PTPRG: variants seen among roughly 807,000 people sequenced by gnomAD.
PTPRG encodes the protein receptor-type tyrosine-protein phosphatase gamma.
Under a neutral mutation model 165.3 loss-of-function variants are expected in PTPRG, and 102 were observed. The observed-to-expected ratio is 0.62, with a 90% CI of 0.53 to 0.73. The LOEUF (loss-of-function observed/expected upper bound fraction) is 0.73. Ranked by LOEUF, PTPRG falls within the 30% of genes least tolerant of loss-of-function variation. PTPRG has a pLI of 0.00. For missense variants in PTPRG, 1,866 were observed against 1,861.4 expected (o/e 1.00, Z -0.05); for synonymous variants, 675 against 669.5 (o/e 1.01, Z -0.13).
At chr3:62,035,663 A>G (rs534082629) in intron 4 of PTPRG, among the ~76,000 whole-genome samples, 1 of 152,356 alleles carries the variant, frequency 6.6e-6, no homozygotes, top group South Asian at 2.1e-4. Flanking sequence ...TTGCTTTATT[A>G]ATGCTTTGGC....
chr3:61,787,173 C>T (rs983665770), intron 2 of PTPRG, among the ~76,000 whole-genome samples: 1 of 151,996 alleles, frequency 6.6e-6, no homozygotes, highest in Non-Finnish European at 1.5e-5. Context: ...TGTGTCTGTT[C>T]TTCTCTCCGT....
At chr3:61,742,536 C>T (rs2033034626) in intron 1 of PTPRG, 1 of 1,595,620 alleles carries the variant, frequency 6.3e-7, no homozygotes, top group East Asian at 2.2e-5. Flanking sequence ...TGAGCAATGA[C>T]ACCAAGAAGT....
At chr3:62,084,535 A>G (rs952901280) in intron 5 of PTPRG, among the ~76,000 whole-genome samples, 3 of 152,150 alleles carry the variant, frequency 2.0e-5, no homozygotes, top group African/African-American at 4.8e-5. Flanking sequence ...TCTTTATATC[A>G]TGTCGGTGTT....
intron 2 of PTPRG, among the ~76,000 whole-genome samples, chr3:61,848,974 C>G (rs185198748): frequency 2.0e-4 from 31 of 152,320 alleles, no homozygotes; most frequent in African/African-American, 7.2e-4. Context: ...AGCAAAAGTT[C>G]CTTCCCGGAG....
chr3:62,016,789 T>A (rs1165696494), intron 4 of PTPRG, among the ~76,000 whole-genome samples: 1 of 152,158 alleles, frequency 6.6e-6, no homozygotes, highest in East Asian at 1.9e-4. Flanking sequence ...TTGACCTGGC[T>A]TCTACTCTCC....
chr3:62,162,277 A>G (rs1386213724), intron 7 of PTPRG, among the ~76,000 whole-genome samples: 1 of 152,246 alleles, frequency 6.6e-6, no homozygotes, highest in Non-Finnish European at 1.5e-5. Flanking sequence ...CACATTTGCA[A>G]TTCAAGGTTA....
chr3:62,253,296 T>C lies in PTPRG; in HGVS notation c.2468-1828T>C, dbSNP rs751338620. 2.6e-5 allele frequency among the ~76,000 whole-genome samples: 4 copies of C among 152,176 alleles called. No individual in the cohort carries two copies. The East Asian group carries it at 5.8e-4, about 22-fold the overall frequency. ...GGGAATCTAAAATTCTAAACTATCA[T>C]TGTCGTATAAATGTTGCCTTCAACT... On this transcript the variant is annotated intron_variant, in intron 15 of 29. Coordinates refer to ENST00000474889, the MANE Select transcript of PTPRG (RefSeq NM_002841.4).
In PTPRG at chr3:62,218,743, G is replaced by T. The variant is rs1700574400; in HGVS notation, c.2156-108G>T. The T allele has an allele frequency of 4.3e-6, 6 of 1,401,384 alleles. No homozygotes were observed. The South Asian group carries it at 6.9e-5, about 16-fold the overall frequency. The allele number at this position is 1,401,384 out of a possible 1,614,324, so 86.8% of individuals were successfully genotyped here. A position where few individuals can be genotyped will look rare whatever the true frequency, so the allele number is the denominator to read the frequency against. ...TGTCATGGGGCAGCTCAGAGCAAAT[G>T]GCCCAGTTCGCCAGAAACCACACAA... On this transcript the variant is annotated intron_variant, in intron 12 of 29. Transcript: ENST00000474889.
intron 2 of PTPRG, among the ~76,000 whole-genome samples, chr3:61,968,193 G>T (rs932157189): frequency 7.9e-5 from 12 of 152,130 alleles, no homozygotes; most frequent in Non-Finnish European, 1.0e-4. Context: ...TAAATGTAAA[G>T]ATTTTTATTT....
At chr3:62,052,733 ACT>A (rs1271134021) in intron 4 of PTPRG, among the ~76,000 whole-genome samples, 1 of 151,858 alleles carries the variant, frequency 6.6e-6, no homozygotes, top group Non-Finnish European at 1.5e-5. Context: ...TGTCTTTGGA[ACT>A]CTCTTGCTCA....
chr3:61,986,621 T>A (rs905528762), intron 2 of PTPRG, among the ~76,000 whole-genome samples: 9 of 152,352 alleles, frequency 5.9e-5, no homozygotes, highest in African/African-American at 2.2e-4. Flanking sequence ...AAATTACTTT[T>A]GGCAGCCCAA....
At chr3:62,087,038 AAG>A (rs1701775547) in intron 5 of PTPRG, among the ~76,000 whole-genome samples, 1 of 152,226 alleles carries the variant, frequency 6.6e-6, no homozygotes, top group African/African-American at 2.4e-5. Flanking sequence ...GGACGTTACC[AAG>A]TACTTTGCTT....
chr3:61,671,892 G>A (rs556840078), intron 1 of PTPRG, among the ~76,000 whole-genome samples: 1 of 147,690 alleles, frequency 6.8e-6, no homozygotes, highest in South Asian at 2.2e-4. Context: ...GGATGGGCGG[G>A]GGGGGCTGAT....
At chr3:61,796,150 T>A (rs536699874) in intron 2 of PTPRG, among the ~76,000 whole-genome samples, 2 of 152,080 alleles carry the variant, frequency 1.3e-5, no homozygotes, top group South Asian at 4.2e-4. Context: ...TCTCTAGGAG[T>A]CAAGGGAGCT....
chr3:62,020,649 A>G (rs1303985103), intron 4 of PTPRG, among the ~76,000 whole-genome samples: 1 of 152,042 alleles, frequency 6.6e-6, no homozygotes, highest in Admixed American at 6.6e-5. Context: ...TGTGACTCAG[A>G]GGGCAGCACC....
At chr3:62,137,643 C>T (rs1703761321) in intron 6 of PTPRG, among the ~76,000 whole-genome samples, 1 of 152,118 alleles carries the variant, frequency 6.6e-6, no homozygotes, top group Non-Finnish European at 1.5e-5. Context: ...AGACCGGCAG[C>T]AGAGACCACC....
intron 15 of PTPRG, among the ~76,000 whole-genome samples, chr3:62,253,818 G>C (rs1180256328): frequency 6.6e-6 from 1 of 152,142 alleles, no homozygotes; most frequent in Non-Finnish European, 1.5e-5. Flanking sequence ...CTATTAACAT[G>C]ATTAGGACTT....
chr3:62,076,597 TC>T (rs1701395766), intron 4 of PTPRG, among the ~76,000 whole-genome samples: 2 of 150,346 alleles, frequency 1.3e-5, no homozygotes, highest in South Asian at 2.1e-4. Flanking sequence ...TTTTTTTTTT[TC>T]GAGACAGAGT....
At chr3:61,800,890 C>A (rs559378529) in intron 2 of PTPRG, among the ~76,000 whole-genome samples, 1 of 152,058 alleles carries the variant, frequency 6.6e-6, no homozygotes, top group African/African-American at 2.4e-5. Context: ...GTGATCCACC[C>A]GCCGTCAGCC....
Sources: allele counts gnomAD v4.1 joint callset (sites outside exome capture counted in the v4.1 genomes callset), GRCh38; gene constraint gnomAD v4.1.1; transcripts MANE v1.5; gene names NCBI Gene and HGNC (gene_info 2026-07-23, HGNC 2026-07-21).